PTPRD: variants seen among roughly 807,000 people sequenced by gnomAD.
PTPRD encodes protein tyrosine phosphatase receptor type D.
Under a neutral mutation model 214.5 loss-of-function variants are expected in PTPRD, and 34 were observed. That is an observed-to-expected ratio of 0.16 (90% confidence interval 0.12 to 0.21). The LOEUF is 0.21. Among genes scored for constraint, PTPRD ranks in the 10% least tolerant of loss-of-function variants. The pLI is 1.00. For missense variants in PTPRD, 2,545 were observed against 2,398.7 expected, an observed-to-expected ratio of 1.06 and a Z score of -1.27; for synonymous variants, 1,128 against 845.7, an observed-to-expected ratio of 1.33 and a Z score of -5.79.
intron 4 of PTPRD, among the ~76,000 whole-genome samples, chr9:9,994,691 A>G (rs1402585369): frequency 6.6e-6 from 1 of 152,198 alleles, no homozygotes; most frequent in Non-Finnish European, 1.5e-5. Context: ...AATAAAGACC[A>G]TGTGCATCTT....
At chr9:9,195,086 G>GTATATATATATATATATATATA (rs540804635) in intron 9 of PTPRD, among the ~76,000 whole-genome samples, 181 of 131,086 alleles carry the variant, frequency 1.4e-3, no homozygotes, top group East Asian at 4.8e-3. Flanking sequence ...GTGTGTTTGT[G>GTATATATATATATATATATATA]TATATATATA....
chr9:8,568,473 G>A (rs1427600183), intron 14 of PTPRD, among the ~76,000 whole-genome samples: 1 of 152,108 alleles, frequency 6.6e-6, no homozygotes, highest in Non-Finnish European at 1.5e-5. Flanking sequence ...TAATTAAGCT[G>A]CTAGAGACAT....
intron 11 of PTPRD, among the ~76,000 whole-genome samples, chr9:8,743,858 G>C (rs1436524091): frequency 1.3e-5 from 2 of 150,960 alleles, no homozygotes; most frequent in East Asian, 1.9e-4. Flanking sequence ...ACAACCTACA[G>C]AGTGGGAGAA....
chr9:10,510,446 C>T (rs555282001), intron 2 of PTPRD, among the ~76,000 whole-genome samples: 1 of 152,122 alleles, frequency 6.6e-6, no homozygotes, highest in Admixed American at 6.6e-5. Context: ...CCTAAAAGAT[C>T]CAATGATGTG....
At position 10,301,026 on chromosome 9, in the gene PTPRD, C is replaced by T. The variant is rs182709591; in HGVS notation, c.-545+39937G>A. Among the ~76,000 whole-genome samples the T allele has an allele frequency of 2.6e-3, 394 of 152,144 alleles. 4 individuals are homozygous for T. The highest frequency in any genetic ancestry group is 9.1e-3 in the African/African-American group (376 of 41,514). ...CCTCATACAGGAAAGCTCTGGCTGG[C>T]GTCTGGCAATTGCCCCTCTGGGATG... On this transcript the variant is annotated intron_variant, in intron 3 of 45. Transcript: ENST00000381196.
chr9:8,687,271 G>C (rs572520826), intron 12 of PTPRD, among the ~76,000 whole-genome samples: 7 of 152,050 alleles, frequency 4.6e-5, no homozygotes, highest in African/African-American at 7.2e-5. Context: ...TTTCTTTCAA[G>C]ATCTCCCAAT....
In PTPRD at chr9:9,073,721, A is replaced by C. The variant is rs150006959; in HGVS notation, c.-142-54986T>G. Among the ~76,000 whole-genome samples, 572 of 152,284 alleles carry C rather than the reference A, an allele frequency of 3.8e-3. 11 individuals are homozygous for C. The highest frequency in any genetic ancestry group is 0.015 in the Admixed American group (233 of 15,274). On this transcript the variant is annotated intron_variant, in intron 10 of 45. Coordinates refer to ENST00000381196, the MANE Select transcript of PTPRD (RefSeq NM_002839.4). ...ACTTGTCAGCTCCCACAATTATGTAAATCAATTTCTTAAAATAAATCTCTG... is the reference window on the plus strand; with the variant it reads ...ACTTGTCAGCTCCCACAATTATGTACATCAATTTCTTAAAATAAATCTCTG...
chr9:10,062,970 T>C (rs915693512), intron 3 of PTPRD, among the ~76,000 whole-genome samples: 2 of 152,048 alleles, frequency 1.3e-5, no homozygotes, highest in South Asian at 2.1e-4. Flanking sequence ...CATGAGAACA[T>C]TTTATTGCCC....
At chr9:9,753,527 T>C (rs140185451) in intron 6 of PTPRD, among the ~76,000 whole-genome samples, 1 of 152,050 alleles carries the variant, frequency 6.6e-6, no homozygotes, top group Non-Finnish European at 1.5e-5. Context: ...ACACTAGCTC[T>C]CTTGTGTGTT....
chr9:10,424,821 A>G (rs2098597373), intron 2 of PTPRD, among the ~76,000 whole-genome samples: 1 of 152,004 alleles, frequency 6.6e-6, no homozygotes, highest in African/African-American at 2.4e-5. Flanking sequence ...AAGAGATACT[A>G]CTATTTTTGC....
intron 2 of PTPRD, among the ~76,000 whole-genome samples, chr9:10,575,077 G>C (rs1033934755): frequency 6.6e-6 from 1 of 151,886 alleles, no homozygotes; most frequent in Admixed American, 6.6e-5. Context: ...AGATTAGGCA[G>C]TATGACCAAC....
rs78037150 is a variant in PTPRD at position 8,608,108 on chromosome 9, A to G, written c.352+25209T>C. On this transcript the variant is annotated intron_variant, in intron 14 of 45. Coordinates refer to ENST00000381196, the MANE Select transcript of PTPRD (RefSeq NM_002839.4). ...CCGCATATAGCTGAGAATAGGACAC[A>G]GTATTTCTAAACCTTTTTTTTTTTA... Among the ~76,000 whole-genome samples the G allele has an allele frequency of 9.4e-3, 1,355 of 144,254 alleles. 11 individuals carry two copies. Among genetic ancestry groups the G allele is most frequent in the Non-Finnish European group, 0.016 (1,061 of 67,378 alleles). 94.6% of individuals were successfully genotyped at this position (144,254 alleles called of 152,430 possible). A position where few individuals can be genotyped will look rare whatever the true frequency, so the allele number is the denominator to read the frequency against.
At chr9:10,556,109 ATC>A in intron 2 of PTPRD, among the ~76,000 whole-genome samples, 1 of 152,264 alleles carries the variant, frequency 6.6e-6, no homozygotes, top group East Asian at 1.9e-4. Context: ...CTAAAAAGTT[ATC>A]TGAGACTGCA....
chr9:9,060,743 T>C (rs1308906759), intron 10 of PTPRD, among the ~76,000 whole-genome samples: 8 of 152,146 alleles, frequency 5.3e-5, no homozygotes, highest in Admixed American at 1.3e-4. Flanking sequence ...AGAAAAGGCA[T>C]TCACCGAGTG....
chr9:9,265,230 T>G (rs538382233), intron 9 of PTPRD, among the ~76,000 whole-genome samples: 4 of 151,594 alleles, frequency 2.6e-5, no homozygotes, highest in Non-Finnish European at 5.9e-5. Flanking sequence ...CTACAATAAC[T>G]TGGTAATGAA....
At chr9:8,765,625 A>T (rs928909458) in intron 11 of PTPRD, among the ~76,000 whole-genome samples, 1 of 152,224 alleles carries the variant, frequency 6.6e-6, no homozygotes, top group African/African-American at 2.4e-5. Context: ...ACCTCGTAAC[A>T]GATCCTAAGC....
intron 8 of PTPRD, among the ~76,000 whole-genome samples, chr9:9,452,987 A>C (rs527674433): frequency 6.7e-6 from 1 of 149,854 alleles, no homozygotes; most frequent in South Asian, 2.1e-4. Context: ...TGTATACTTA[A>C]ATTTTGTGTG....
intron 4 of PTPRD, among the ~76,000 whole-genome samples, chr9:9,969,676 C>T (rs1026761891): frequency 6.6e-6 from 1 of 152,216 alleles, no homozygotes; most frequent in Non-Finnish European, 1.5e-5. Flanking sequence ...GCTGCCGCTT[C>T]TACTGCCCCT....
At chr9:8,347,109 A>C (rs4740939) in intron 39 of PTPRD, among the ~76,000 whole-genome samples, 1 of 151,856 alleles carries the variant, frequency 6.6e-6, no homozygotes, top group Non-Finnish European at 1.5e-5. Context: ...CTACACTAAT[A>C]ATGTGCTGGT....
Sources: gnomAD v4.1 joint callset for allele counts (sites outside exome capture counted in the v4.1 genomes callset) on GRCh38, gnomAD v4.1.1 for gene constraint, MANE v1.5 for transcripts, NCBI Gene and HGNC (gene_info 2026-07-23, HGNC 2026-07-21) for gene names.